CNTN5: variants seen among roughly 807,000 people sequenced by gnomAD.
CNTN5 encodes contactin 5.
In CNTN5, 77 loss-of-function variants were observed where a neutral mutation model predicts 129.1. The ratio of observed to expected loss-of-function variants is 0.60; its 90% CI spans 0.50 to 0.72. The LOEUF (loss-of-function observed/expected upper bound fraction) is 0.72, where lower values mean the gene tolerates loss of function less well. Among genes scored for constraint, CNTN5 ranks in the 30% least tolerant of loss-of-function variants. The probability of loss-of-function intolerance (pLI) is 0.00; values close to 1 mark genes in which losing one functional copy is unlikely to be tolerated. For missense variants in CNTN5, 1,478 were observed against 1,328.8 expected (o/e 1.11, Z -1.75); for synonymous variants, 509 against 465.6 (o/e 1.09, Z -1.20).
Position 99,969,226 on chromosome 11 carries a change from A to G in CNTN5, c.877+12217A>G, listed in dbSNP as rs74678082. On this transcript the variant is annotated intron_variant, in intron 8 of 24. Coordinates refer to ENST00000524871, the MANE Select transcript of CNTN5 (RefSeq NM_014361.4). ...GAGAATTACTTAATACGTGGTAACAAATAACAAGATGAATTTGCTAAATAT... is the reference window on the plus strand; with the variant it reads ...GAGAATTACTTAATACGTGGTAACAGATAACAAGATGAATTTGCTAAATAT... Among the ~76,000 whole-genome samples, 1,025 of 152,276 alleles carry G rather than the reference A, an allele frequency of 6.7e-3. 14 individuals are homozygous for G. Among genetic ancestry groups the G allele is most frequent in the African/African-American group, 0.023 (939 of 41,568 alleles).
At chr11:99,760,408 G>A (rs1944539467) in intron 3 of CNTN5, among the ~76,000 whole-genome samples, 1 of 151,994 alleles carries the variant, frequency 6.6e-6, no homozygotes, top group Non-Finnish European at 1.5e-5. Context: ...TTTCAAAATA[G>A]GATATATGTT....
chr11:99,554,955 G>T (rs1003758710), intron 2 of CNTN5, among the ~76,000 whole-genome samples: 2 of 151,710 alleles, frequency 1.3e-5, no homozygotes, highest in Non-Finnish European at 2.9e-5. Flanking sequence ...CTTTTGTTTA[G>T]GCTTGTTATA....
chr11:99,526,610 G>A (rs1947497352), intron 2 of CNTN5, among the ~76,000 whole-genome samples: 1 of 152,152 alleles, frequency 6.6e-6, no homozygotes, highest in Non-Finnish European at 1.5e-5. Flanking sequence ...ATTGTGTCAA[G>A]TCACGATCAA....
chr11:99,240,175 AT>A (rs1187515566), intron 1 of CNTN5, among the ~76,000 whole-genome samples: 1 of 151,666 alleles, frequency 6.6e-6, no homozygotes, highest in Non-Finnish European at 1.5e-5. Context: ...GTATTGAATA[AT>A]TGGGGGAGGT....
chr11:100,148,123 A>G (rs535758674), intron 13 of CNTN5, among the ~76,000 whole-genome samples: 173 of 152,282 alleles, frequency 1.1e-3, no homozygotes, highest in African/African-American at 3.3e-3. Context: ...GACCTTATCC[A>G]TATACTCATA....
intron 2 of CNTN5, among the ~76,000 whole-genome samples, chr11:99,523,599 TAGA>T (rs1212041310): frequency 6.2e-5 from 2 of 32,242 alleles, no homozygotes; most frequent in African/African-American, 2.4e-4. Context: ...CAAAGAAAGA[TAGA>T]ATAGAATAGA....
chr11:99,688,566 AT>A (rs901789865), intron 3 of CNTN5, among the ~76,000 whole-genome samples: 9 of 149,944 alleles, frequency 6.0e-5, no homozygotes, highest in Middle Eastern at 3.4e-3. Context: ...AAAGATGGAA[AT>A]TTTTTTTTCC....
intron 6 of CNTN5, among the ~76,000 whole-genome samples, chr11:99,898,716 T>A (rs7932471): frequency 0.13 from 19,428 of 151,936 alleles, 1,520 homozygotes; most frequent in East Asian, 0.35. Context: ...TTTTTTTTCA[T>A]TTTACAATTT....
chr11:99,028,733 T>A (rs1441656486), intron 1 of CNTN5, among the ~76,000 whole-genome samples: 1 of 151,892 alleles, frequency 6.6e-6, no homozygotes, highest in Non-Finnish European at 1.5e-5. Context: ...GCTGAGATGC[T>A]GTGGAAAAAA....
intron 18 of CNTN5, among the ~76,000 whole-genome samples, chr11:100,279,047 T>A (rs1276962215): frequency 6.6e-6 from 1 of 152,030 alleles, no homozygotes; most frequent in Non-Finnish European, 1.5e-5. Context: ...TTTTTCAACA[T>A]CAATTGAAAT....
At chr11:100,111,202 A>T (rs569146780) in intron 13 of CNTN5, among the ~76,000 whole-genome samples, 1 of 152,230 alleles carries the variant, frequency 6.6e-6, no homozygotes, top group East Asian at 1.9e-4. Context: ...GGTTAGACTA[A>T]CCTTTTTCCA....
chr11:99,695,105 T>C (rs1284555996), intron 3 of CNTN5, among the ~76,000 whole-genome samples: 1 of 152,088 alleles, frequency 6.6e-6, no homozygotes, highest in African/African-American at 2.4e-5. Flanking sequence ...ATCCCACCAA[T>C]TCATGATCTG....
intron 13 of CNTN5, among the ~76,000 whole-genome samples, chr11:100,126,667 G>C (rs572631062): frequency 2.0e-5 from 3 of 152,018 alleles, no homozygotes; most frequent in Non-Finnish European, 4.4e-5. Context: ...TTCAGCCTAT[G>C]TATGTCATTA....
intron 3 of CNTN5, among the ~76,000 whole-genome samples, chr11:99,595,073 G>A (rs188398862): frequency 2.0e-5 from 3 of 152,158 alleles, no homozygotes; most frequent in African/African-American, 7.2e-5. Context: ...TGGGGAGATG[G>A]GGGGACCAGA....
At chr11:100,000,495 G>A (rs745454415) in intron 8 of CNTN5, among the ~76,000 whole-genome samples, 1 of 152,192 alleles carries the variant, frequency 6.6e-6, no homozygotes, top group South Asian at 2.1e-4. Context: ...GGTTCTGCAG[G>A]GCACAGCACC....
intron 1 of CNTN5, among the ~76,000 whole-genome samples, chr11:99,130,410 G>T (rs892435261): frequency 6.6e-6 from 1 of 152,102 alleles, no homozygotes; most frequent in Non-Finnish European, 1.5e-5. Context: ...AACAAGAAAA[G>T]CTAACTATCC....
At chr11:100,123,034 C>T (rs942874188) in intron 13 of CNTN5, among the ~76,000 whole-genome samples, 3 of 151,928 alleles carry the variant, frequency 2.0e-5, no homozygotes, top group Non-Finnish European at 4.4e-5. Context: ...TTAATCAGAA[C>T]TGTGAATTTG....
At chr11:99,117,264 A>G (rs1292496510) in intron 1 of CNTN5, among the ~76,000 whole-genome samples, 3 of 152,160 alleles carry the variant, frequency 2.0e-5, no homozygotes, top group Non-Finnish European at 4.4e-5. Flanking sequence ...AATATGCAGT[A>G]TGATGAATTT....
At chr11:99,620,025 C>CAAAAAAAAAAAAAAAAACCAAAA (rs779644229) in intron 3 of CNTN5, among the ~76,000 whole-genome samples, 1 of 67,892 alleles carries the variant, frequency 1.5e-5, no homozygotes, top group Non-Finnish European at 3.3e-5. Context: ...GACTCCGTCT[C>CAAAAAAAAAAAAAAAAACCAAAA]AAAAAAAAAA....
Sources: allele counts gnomAD v4.1 joint callset (sites outside exome capture counted in the v4.1 genomes callset), GRCh38; gene constraint gnomAD v4.1.1; transcripts MANE v1.5; gene names NCBI Gene and HGNC (gene_info 2026-07-23, HGNC 2026-07-21).